Variants in ZNF385D observed in about 807,000 individuals in gnomAD.
ZNF385D encodes zinc finger protein 385D.
In ZNF385D, 15 loss-of-function variants were observed where a neutral mutation model predicts 35.8. The observed-to-expected ratio is 0.42, with a 90% confidence interval of 0.28 to 0.64. The LOEUF is 0.64. ZNF385D is among the 30% of genes least tolerant of loss of function. ZNF385D has a pLI of 0.23. For missense variants in ZNF385D, 474 were observed against 494.6 expected, an observed-to-expected ratio of 0.96 and a Z score of 0.39; for synonymous variants, 212 against 186.8, an observed-to-expected ratio of 1.13 and a Z score of -1.10.
At chr3:22,182,186 C>T (rs1477955094) in intron 2 of ZNF385D, among the ~76,000 whole-genome samples, 3 of 152,086 alleles carry the variant, frequency 2.0e-5, no homozygotes, top group Non-Finnish European at 4.4e-5. Flanking sequence ...TGCATAAATA[C>T]ATAACTACTA....
At chr3:22,240,506 T>G (rs1262843187) in intron 2 of ZNF385D, among the ~76,000 whole-genome samples, 1 of 150,982 alleles carries the variant, frequency 6.6e-6, no homozygotes, top group East Asian at 2.0e-4. Flanking sequence ...CCTTTCTAAT[T>G]GGATGTGGAC....
At chr3:21,987,296 G>A (rs1694863983) in intron 3 of ZNF385D, among the ~76,000 whole-genome samples, 2 of 135,056 alleles carry the variant, frequency 1.5e-5, no homozygotes, top group African/African-American at 6.5e-5. Context: ...TGATTTTGCA[G>A]TGGCTGGTAC....
upstream of ZNF385D, among the ~76,000 whole-genome samples, chr3:21,753,358 A>C (rs564778226): frequency 7.2e-5 from 11 of 152,324 alleles, no homozygotes; most frequent in Non-Finnish European, 1.5e-4. Flanking sequence ...AGTCACCCCC[A>C]ATAAAACAAT....
At chr3:22,075,511 C>G (rs551251337) in intron 3 of ZNF385D, among the ~76,000 whole-genome samples, 2 of 151,892 alleles carry the variant, frequency 1.3e-5, no homozygotes. Flanking sequence ...CTCTCCTTAA[C>G]AAATCTTCTT....
intron 3 of ZNF385D, among the ~76,000 whole-genome samples, chr3:21,940,118 T>C (rs1295489256): frequency 6.6e-6 from 1 of 152,222 alleles, no homozygotes; most frequent in Non-Finnish European, 1.5e-5. Context: ...TGGAAACTTT[T>C]GTCTTGTTTG....
intron 3 of ZNF385D, among the ~76,000 whole-genome samples, chr3:21,554,135 G>A (rs1363578818): frequency 6.6e-6 from 1 of 152,128 alleles, no homozygotes; most frequent in African/African-American, 2.4e-5. Flanking sequence ...ACATCCATCA[G>A]AGGAATCACT....
intron 2 of ZNF385D, among the ~76,000 whole-genome samples, chr3:22,239,867 G>A (rs1178863950): frequency 6.6e-5 from 10 of 150,608 alleles, no homozygotes; most frequent in Non-Finnish European, 1.3e-4. Flanking sequence ...CACATAGAAC[G>A]TCAGAATTCT....
chr3:22,329,134 C>T (rs1694818939), intron 2 of ZNF385D, among the ~76,000 whole-genome samples: 1 of 151,296 alleles, frequency 6.6e-6, no homozygotes, highest in Non-Finnish European at 1.5e-5. Context: ...TTTCTAGGCT[C>T]ACTGCTATTT....
intron 3 of ZNF385D, among the ~76,000 whole-genome samples, chr3:21,811,066 T>C (rs2072901159): frequency 6.6e-6 from 1 of 151,258 alleles, no homozygotes; most frequent in South Asian, 2.1e-4. Context: ...GATTTCCACA[T>C]AGGAAATATA....
intron 3 of ZNF385D, chr3:21,849,708 T>C (rs2125806281): frequency 6.6e-6 from 1 of 151,958 alleles, no homozygotes; most frequent in Non-Finnish European, 1.5e-5. Context: ...TCAAAATTTT[T>C]TCTTCTATGA....
At chr3:21,562,192 C>T in intron 3 of ZNF385D, 1 of 152,206 alleles carries the variant, frequency 6.6e-6, no homozygotes, top group South Asian at 2.1e-4. Context: ...AAATAAATTG[C>T]TACTCTCTCA....
intron 4 of ZNF385D, among the ~76,000 whole-genome samples, chr3:21,477,877 CT>C (rs1184725286): frequency 6.6e-6 from 1 of 152,122 alleles, no homozygotes; most frequent in Non-Finnish European, 1.5e-5. Flanking sequence ...ATTTTCTGCC[CT>C]ATTTGTTATC....
At chr3:21,734,167 C>A (rs1443565486) in intron 1 of ZNF385D, among the ~76,000 whole-genome samples, 6 of 151,980 alleles carry the variant, frequency 3.9e-5, no homozygotes, top group Non-Finnish European at 8.8e-5. Context: ...TTATAGAGAG[C>A]CAACAATCTT....
intron 3 of ZNF385D, among the ~76,000 whole-genome samples, chr3:21,864,314 C>T (rs139008100): frequency 1.8e-4 from 28 of 152,168 alleles, no homozygotes; most frequent in African/African-American, 4.1e-4. Flanking sequence ...ACCCCATTTA[C>T]GGTAAAAAGG....
At chr3:21,461,955 T>C (rs1415262236) in intron 4 of ZNF385D, among the ~76,000 whole-genome samples, 1 of 152,220 alleles carries the variant, frequency 6.6e-6, no homozygotes. Context: ...GACTTTCTAG[T>C]TCTTAGAGTG....
At chr3:22,297,168 A>G (rs1702630408) in intron 2 of ZNF385D, among the ~76,000 whole-genome samples, 1 of 152,132 alleles carries the variant, frequency 6.6e-6, no homozygotes, top group Non-Finnish European at 1.5e-5. Context: ...ATGGTGGTAC[A>G]GAAAGACTGA....
chr3:21,465,050 T>C lies in ZNF385D; in HGVS notation c.440-27847A>G, dbSNP rs895283301. On this transcript the variant is annotated intron_variant, in intron 4 of 7. Coordinates refer to ENST00000281523, the MANE Select transcript of ZNF385D (RefSeq NM_024697.3). The surrounding 1 kb of genome is among the most constrained non-coding windows in gnomAD (Gnocchi z 4.2). ...TTTCTCATTAAATACTTTGTCATTT[T>C]TACAGAAAGATTTCATATCCAGGTA... Among the ~76,000 whole-genome samples, 1 of 152,176 alleles carries C rather than the reference T, an allele frequency of 6.6e-6. No individual in the cohort carries two copies. Among genetic ancestry groups the C allele is most frequent in the African/African-American group, 2.4e-5 (1 of 41,444 alleles).
At chr3:21,427,124 C>T (rs1485107968) in intron 5 of ZNF385D, among the ~76,000 whole-genome samples, 1 of 152,078 alleles carries the variant, frequency 6.6e-6, no homozygotes, top group African/African-American at 2.4e-5. Flanking sequence ...ATATAGTGAG[C>T]ACAAATGCTT....
At chr3:21,551,089 TATGAG>T (rs1216996698) in intron 3 of ZNF385D, among the ~76,000 whole-genome samples, 4 of 152,206 alleles carry the variant, frequency 2.6e-5, no homozygotes, top group Non-Finnish European at 5.9e-5. Flanking sequence ...CATGAGTTCT[TATGAG>T]TGAGTTCTAG....
Sources: allele counts gnomAD v4.1 joint callset (sites outside exome capture counted in the v4.1 genomes callset), GRCh38; gene constraint gnomAD v4.1.1; non-coding constraint Gnocchi (gnomAD v3.1); transcripts MANE v1.5; gene names NCBI Gene and HGNC (gene_info 2026-07-23, HGNC 2026-07-21).